CAST: variants seen among roughly 807,000 people sequenced by gnomAD.
CAST encodes MIR583 host.
Under a neutral mutation model 119.6 loss-of-function variants are expected in CAST, and 76 were observed. That is an observed-to-expected ratio of 0.64 (90% CI 0.53 to 0.77). The LOEUF (loss-of-function observed/expected upper bound fraction) is 0.77. CAST is among the 30% of genes least tolerant of loss of function. The probability of loss-of-function intolerance (pLI) is 0.00; values close to 1 mark genes in which losing one functional copy is unlikely to be tolerated. For missense variants in CAST, 953 were observed against 946.5 expected (o/e 1.01, Z -0.09); for synonymous variants, 319 against 331.6 (o/e 0.96, Z 0.41).
chr5:96,600,528 C>T (rs146700882), intron 1 of CAST, among the ~76,000 whole-genome samples: 89 of 152,210 alleles, frequency 5.8e-4, no homozygotes, highest in African/African-American at 2.0e-3. Context: ...GAATGAAGAA[C>T]CAAAGAGAGA....
the CAST span, among the ~76,000 whole-genome samples, chr5:95,968,882 G>A: frequency 6.6e-6 from 1 of 152,108 alleles, no homozygotes; most frequent in East Asian, 1.9e-4. Context: ...GTCTAATAGA[G>A]GATGTAAGAG....
chr5:96,302,240 C>CT, the CAST span, among the ~76,000 whole-genome samples: 2 of 152,140 alleles, frequency 1.3e-5, no homozygotes, highest in Non-Finnish European at 1.5e-5. Flanking sequence ...CACAGGGCGC[C>CT]ATGTCCTGAG....
At chr5:96,704,317 T>C (rs1461816317) in intron 3 of CAST, among the ~76,000 whole-genome samples, 2 of 152,236 alleles carry the variant, frequency 1.3e-5, no homozygotes, top group African/African-American at 2.4e-5. Flanking sequence ...GGAGTTTTGG[T>C]TCCTTGATTA....
chr5:96,571,897 A>G (rs1746576526), intron 1 of CAST, among the ~76,000 whole-genome samples: 1 of 152,252 alleles, frequency 6.6e-6, no homozygotes, highest in Admixed American at 6.5e-5. Context: ...AGTTTCTAAC[A>G]TATACAAAGT....
intron 1 of CAST, among the ~76,000 whole-genome samples, chr5:96,583,550 A>C (rs1746802208): frequency 6.6e-6 from 1 of 152,110 alleles, no homozygotes; most frequent in Non-Finnish European, 1.5e-5. Flanking sequence ...TAATAATAAT[A>C]TTGACACTAT....
chr5:96,226,946 T>C, the CAST span, among the ~76,000 whole-genome samples: 1 of 152,240 alleles, frequency 6.6e-6, no homozygotes, highest in Non-Finnish European at 1.5e-5. Context: ...ATTGGCTATG[T>C]ATTCAGACTG....
chr5:96,240,414 G>C, the CAST span, among the ~76,000 whole-genome samples: 2 of 152,134 alleles, frequency 1.3e-5, no homozygotes, highest in African/African-American at 4.8e-5. Context: ...TCCGATTTCT[G>C]GGTCCACCTT....
At chr5:95,990,044 C>T in the CAST span, among the ~76,000 whole-genome samples, 1 of 152,152 alleles carries the variant, frequency 6.6e-6, no homozygotes, top group Non-Finnish European at 1.5e-5. Context: ...GAAATATTCA[C>T]TGGAAACACA....
the CAST span, among the ~76,000 whole-genome samples, chr5:96,493,881 A>G: frequency 0.017 from 2,561 of 152,148 alleles, 75 homozygotes; most frequent in African/African-American, 0.059. Context: ...CTAAAAAAAC[A>G]AAAATTAGTC....
chr5:95,990,297 A>T, the CAST span, among the ~76,000 whole-genome samples: 1 of 152,058 alleles, frequency 6.6e-6, no homozygotes, highest in Non-Finnish European at 1.5e-5. Flanking sequence ...GAGCTCACTT[A>T]GTTTAAAGGA....
chr5:96,412,752 G>GTTTTGTTTTTTT, the CAST span, among the ~76,000 whole-genome samples: 1 of 71,832 alleles, frequency 1.4e-5, no homozygotes, highest in African/African-American at 9.0e-5. Flanking sequence ...CAGCTGTGAT[G>GTTTTGTTTTTTT]TTTTTTTTTT....
chr5:96,098,209 A>G, the CAST span, among the ~76,000 whole-genome samples: 4,236 of 152,282 alleles, frequency 0.028, 181 homozygotes, highest in African/African-American at 0.096. Context: ...AGTTCCTTAT[A>G]GATGCTAGAT....
chr5:96,238,350 T>TTCTTCTTCTTCTTCTTCTTCTTCC, the CAST span, among the ~76,000 whole-genome samples: 1 of 78,708 alleles, frequency 1.3e-5, no homozygotes, highest in South Asian at 4.7e-4. Flanking sequence ...CTTCTTCATC[T>TTCTTCTTCTTCTTCTTCTTCTTCC]TCATCTTCTT....
intron 1 of CAST, among the ~76,000 whole-genome samples, chr5:96,633,496 A>G (rs755622812): frequency 1.2e-4 from 19 of 152,060 alleles, no homozygotes; most frequent in Non-Finnish European, 2.5e-4. Flanking sequence ...TGTTTTCTTA[A>G]TAGGACTTTC....
the CAST span, chr5:96,412,308 A>C: frequency 3.1e-6 from 5 of 1,612,804 alleles, no homozygotes; most frequent in Non-Finnish European, 4.2e-6. Context: ...GTCTGTGTAA[A>C]GCATCTTACC....
chr5:96,716,674 G>C (rs1006062093), intron 3 of CAST, among the ~76,000 whole-genome samples: 1 of 152,150 alleles, frequency 6.6e-6, no homozygotes. Flanking sequence ...TATTAAATAA[G>C]AATCTGATCA....
At chr5:96,152,075 C>G in the CAST span, among the ~76,000 whole-genome samples, 6 of 152,210 alleles carry the variant, frequency 3.9e-5, 1 homozygote, top group Admixed American at 2.6e-4. Context: ...AGGGAAAACC[C>G]TTGACTCGTT....
the CAST span, among the ~76,000 whole-genome samples, chr5:96,303,421 A>T: frequency 1.1e-4 from 17 of 152,324 alleles, no homozygotes; most frequent in African/African-American, 3.4e-4. Flanking sequence ...TGTCATCAAC[A>T]AACAGGAATA....
At chr5:96,389,076 T>C in the CAST span, among the ~76,000 whole-genome samples, 1 of 150,802 alleles carries the variant, frequency 6.6e-6, no homozygotes, top group African/African-American at 2.4e-5. Context: ...TAGAGTAGAA[T>C]GGTTTTTGCA....
Sources: gnomAD v4.1 joint callset for allele counts (sites outside exome capture counted in the v4.1 genomes callset) on GRCh38, gnomAD v4.1.1 for gene constraint, MANE v1.5 for transcripts, NCBI Gene and HGNC (gene_info 2026-07-23, HGNC 2026-07-21) for gene names.